The following PCSK6 variants were observed in gnomAD, a reference collection of about 807,000 sequenced individuals.
PCSK6 encodes the protein paired basic amino acid cleaving enzyme 4.
PCSK6 carries 85 observed loss-of-function variants against 123.3 expected under a neutral mutation model. That is an observed-to-expected ratio of 0.69 (90% CI 0.58 to 0.83). The LOEUF is 0.83. PCSK6 is among the 40% of genes least tolerant of loss of function. PCSK6 has a pLI of 0.00. For missense variants in PCSK6, 1,191 were observed against 1,282.3 expected (o/e 0.93, Z 1.09); for synonymous variants, 508 against 516.0 (o/e 0.98, Z 0.21).
At chr15:101,480,188 G>A (rs552562054) in intron 1 of PCSK6, among the ~76,000 whole-genome samples, 55 of 152,342 alleles carry the variant, frequency 3.6e-4, no homozygotes, top group African/African-American at 1.3e-3. Flanking sequence ...TCACTGAGAA[G>A]ATGGATTTTC....
At chr15:101,338,519 A>AC (rs1265081430) in intron 13 of PCSK6, among the ~76,000 whole-genome samples, 5 of 152,110 alleles carry the variant, frequency 3.3e-5, no homozygotes, top group African/African-American at 4.8e-5. Context: ...TCCAGGGACA[A>AC]CCCAGGCCAG....
intron 1 of PCSK6, among the ~76,000 whole-genome samples, chr15:101,464,332 C>T (rs973605174): frequency 4.6e-5 from 7 of 152,168 alleles, no homozygotes; most frequent in Admixed American, 6.5e-5. Flanking sequence ...GGACGAAATG[C>T]AAGTAGGTCA....
rs535617488 is a variant in PCSK6 at position 101,462,826 on chromosome 15, G to A, written c.298-19166C>T. Among the ~76,000 whole-genome samples, 26 of 152,286 alleles carry A rather than the reference G, an allele frequency of 1.7e-4. No homozygotes were observed. In the South Asian group the frequency reaches 5.2e-3, roughly 30 times the overall value. ...TAGGAGGACGTCTGAGAGTGGGTTGGATATCTTCTGTTTGTCCCTCTAAAT... is the reference window on the plus strand; with the variant it reads ...TAGGAGGACGTCTGAGAGTGGGTTGAATATCTTCTGTTTGTCCCTCTAAAT... On this transcript the variant is annotated intron_variant, in intron 1 of 21. Coordinates refer to ENST00000611716, the MANE Select transcript of PCSK6 (RefSeq NM_002570.5).
chr15:101,349,568 G>A lies in PCSK6; in HGVS notation c.1858+16628C>T, dbSNP rs1179104750. Among the ~76,000 whole-genome samples the A allele has an allele frequency of 6.6e-5, 10 of 152,284 alleles. No homozygotes were observed. The South Asian group carries it at 2.1e-3, about 32-fold the overall frequency. Reference sequence around the variant, plus strand: ...AAATGGACCAATTCCTAAAGGCTGTGGTAAAACACACACTTGCAGTGGCAG... The same window carrying A: ...AAATGGACCAATTCCTAAAGGCTGTAGTAAAACACACACTTGCAGTGGCAG... On this transcript the variant is annotated intron_variant, in intron 13 of 21. Transcript: ENST00000611716.
intron 10 of PCSK6, among the ~76,000 whole-genome samples, chr15:101,383,409 C>CAAAA (rs35670221): frequency 1.5e-3 from 113 of 75,788 alleles, no homozygotes; most frequent in Non-Finnish European, 1.8e-3. Flanking sequence ...GACTCTGTCT[C>CAAAA]AAAAAAAAAA....
intron 6 of PCSK6, among the ~76,000 whole-genome samples, chr15:101,404,454 T>C (rs1489637377): frequency 6.6e-6 from 1 of 152,170 alleles, no homozygotes; most frequent in African/African-American, 2.4e-5. Flanking sequence ...TCAGGGACAC[T>C]GGGCCCAAGT....
chr15:101,306,433 C>T (rs2039725323), intron 21 of PCSK6, among the ~76,000 whole-genome samples: 1 of 152,148 alleles, frequency 6.6e-6, no homozygotes, highest in Non-Finnish European at 1.5e-5. Context: ...TGGACAGGGC[C>T]AGTGCCAGCT....
chr15:101,364,680 C>A (rs1422448521), intron 13 of PCSK6, among the ~76,000 whole-genome samples: 1 of 152,178 alleles, frequency 6.6e-6, no homozygotes, highest in Non-Finnish European at 1.5e-5. Flanking sequence ...AAACAGAAAA[C>A]TATCCCAAGT....
At chr15:101,396,173 A>G (rs778209493) in intron 7 of PCSK6, among the ~76,000 whole-genome samples, 1 of 152,328 alleles carries the variant, frequency 6.6e-6, no homozygotes, top group Non-Finnish European at 1.5e-5. Flanking sequence ...AAATGACCTC[A>G]GTATTTCACA....
intron 1 of PCSK6, among the ~76,000 whole-genome samples, chr15:101,481,481 C>T (rs2057881840): frequency 1.3e-5 from 2 of 151,996 alleles, no homozygotes; most frequent in African/African-American, 4.8e-5. Context: ...GAAGCAAAAG[C>T]ATGAAGATGG....
intron 20 of PCSK6, chr15:101,312,156 C>T (rs1394874246): frequency 9.5e-6 from 1 of 105,146 alleles, no homozygotes; most frequent in Non-Finnish European, 1.9e-5. Flanking sequence ...CAGCCCACCC[C>T]ATCGTCACCC....
At chr15:101,460,213 C>T (rs919143939) in intron 1 of PCSK6, among the ~76,000 whole-genome samples, 1 of 152,152 alleles carries the variant, frequency 6.6e-6, no homozygotes, top group Non-Finnish European at 1.5e-5. Context: ...CTCTCATCTC[C>T]CCTCAGAAGA....
chr15:101,420,579 G>T (rs1349079652), intron 6 of PCSK6, among the ~76,000 whole-genome samples: 1 of 152,094 alleles, frequency 6.6e-6, no homozygotes, highest in Non-Finnish European at 1.5e-5. Context: ...GACCAGGTTG[G>T]TCTCAAATTT....
At chr15:101,465,738 G>A (rs1175382812) in intron 1 of PCSK6, among the ~76,000 whole-genome samples, 2 of 152,122 alleles carry the variant, frequency 1.3e-5, no homozygotes, top group African/African-American at 4.8e-5. Context: ...ACGTGATGCC[G>A]CACGGTATTA....
chr15:101,368,786 G>A (rs986177584), intron 12 of PCSK6, among the ~76,000 whole-genome samples: 2 of 152,206 alleles, frequency 1.3e-5, no homozygotes, highest in African/African-American at 4.8e-5. Context: ...CCGGCCCAGT[G>A]CACGCAGGAA....
chr15:101,413,040 A>AGGG (rs2055759071), intron 6 of PCSK6, among the ~76,000 whole-genome samples: 1 of 151,358 alleles, frequency 6.6e-6, no homozygotes, highest in Non-Finnish European at 1.5e-5. Flanking sequence ...GAGGAGGAGG[A>AGGG]GGAAAAAAAG....
chr15:101,448,684 A>G (rs1305018947), intron 1 of PCSK6, among the ~76,000 whole-genome samples: 1 of 152,228 alleles, frequency 6.6e-6, no homozygotes, highest in Non-Finnish European at 1.5e-5. Flanking sequence ...CAGAGCAGTG[A>G]AACTGTTCAA....
At chr15:101,460,481 G>T (rs2057316797) in intron 1 of PCSK6, among the ~76,000 whole-genome samples, 1 of 152,222 alleles carries the variant, frequency 6.6e-6, no homozygotes, top group African/African-American at 2.4e-5. Context: ...AGGGACAGGG[G>T]TAGCAGAGGG....
At position 101,332,051 on chromosome 15, in the gene PCSK6, CAG is replaced by C. The variant is rs1446382995; in HGVS notation, c.1859-22_1859-21del. On this transcript the variant is annotated intron_variant, in intron 13 of 21. Transcript: ENST00000611716. ...ACTTCCCTGGAAGGCACCAAACCCA[CAG>C]AGTTACCTGCCTGTGCCAAGACCTC... 3 of 1,573,840 alleles carry C rather than the reference CAG, an allele frequency of 1.9e-6. No homozygotes were observed. The highest frequency in any genetic ancestry group is 1.7e-4 in the Middle Eastern group (1 of 5,906).
Sources: gnomAD v4.1 joint callset for allele counts (sites outside exome capture counted in the v4.1 genomes callset) on GRCh38, gnomAD v4.1.1 for gene constraint, MANE v1.5 for transcripts, NCBI Gene and HGNC (gene_info 2026-07-23, HGNC 2026-07-21) for gene names.